Variants in MACROD1 observed in about 807,000 individuals in gnomAD.
MACROD1 encodes the protein mono-ADP ribosylhydrolase 1.
MACROD1 carries 31 observed loss-of-function variants against 41.4 expected under a neutral mutation model. The observed-to-expected ratio is 0.75, with a 90% CI of 0.56 to 1.01. MACROD1 has a LOEUF of 1.01. Among genes scored for constraint, MACROD1 ranks in the 50% least tolerant of loss-of-function variants. MACROD1 has a pLI of 0.00. For synonymous variants in MACROD1, 252 were observed against 203.4 expected, an observed-to-expected ratio of 1.24 and a Z score of -2.03; for missense variants, 473 against 460.0, an observed-to-expected ratio of 1.03 and a Z score of -0.26.
At chr11:64,165,095 C>A (rs1945817555) in intron 1 of MACROD1, among the ~76,000 whole-genome samples, 1 of 152,312 alleles carries the variant, frequency 6.6e-6, no homozygotes, top group Non-Finnish European at 1.5e-5. Context: ...GGGAAAAGGG[C>A]GCCAGACCAC....
intron 3 of MACROD1, among the ~76,000 whole-genome samples, chr11:64,037,427 G>C (rs1426940244): frequency 6.6e-6 from 1 of 152,220 alleles, no homozygotes; most frequent in African/African-American, 2.4e-5. Context: ...CGGGAGGAGA[G>C]GCGCAGACAT....
chr11:64,014,802 A>C (rs1943058832), intron 4 of MACROD1, among the ~76,000 whole-genome samples: 1 of 152,192 alleles, frequency 6.6e-6, no homozygotes, highest in South Asian at 2.1e-4. Flanking sequence ...GCAGACACAG[A>C]GACATCCCAG....
rs1039110429 is a variant in MACROD1 at position 64,036,502 on chromosome 11, G to A, written c.518-21221C>T. ...CCTCGCTGCACCCCCCAGGGAGGGG[G>A]CCTGGCCCGTGGGGGGCGTCAGGCC... is the stretch of plus-strand genomic sequence containing the variant. On this transcript the variant is annotated intron_variant, in intron 3 of 10. Transcript: ENST00000255681. The surrounding 1 kb of genome is among the most constrained non-coding windows in gnomAD (Gnocchi z 5.6). 1.3e-4 allele frequency among the ~76,000 whole-genome samples: 20 copies of A among 151,926 alleles called. No individual in the cohort carries two copies. The highest frequency in any genetic ancestry group is 4.6e-4 in the African/African-American group (19 of 41,366).
At position 64,096,902 on chromosome 11, in the gene MACROD1, C is replaced by G. The variant is rs979183995; in HGVS notation, c.517+54337G>C. On this transcript the variant is annotated intron_variant, in intron 3 of 10. Transcript: ENST00000255681. This position sits in a 1 kb window ranked among gnomAD's most constrained non-coding sequence, Gnocchi z 4.6. Reference sequence around the variant, plus strand: ...AGCTGAGAGCCGATGCCTGTCCCTCCGTGAGCTGGGTGCGAGTGGCCCTTG... The same window carrying G: ...AGCTGAGAGCCGATGCCTGTCCCTCGGTGAGCTGGGTGCGAGTGGCCCTTG... Among the ~76,000 whole-genome samples, 1 of 152,236 alleles carries G rather than the reference C, an allele frequency of 6.6e-6. No homozygotes were observed. The highest frequency in any genetic ancestry group is 2.4e-5 in the African/African-American group (1 of 41,468).
At chr11:64,121,970 TAA>T (rs5792313) in intron 3 of MACROD1, among the ~76,000 whole-genome samples, 4 of 134,794 alleles carry the variant, frequency 3.0e-5, no homozygotes, top group Non-Finnish European at 1.7e-5. Context: ...AAATCTCCCC[TAA>T]AAAAAAAAAA....
At chr11:64,091,619 G>A (rs941600425) in intron 3 of MACROD1, among the ~76,000 whole-genome samples, 1 of 152,082 alleles carries the variant, frequency 6.6e-6, no homozygotes, top group Non-Finnish European at 1.5e-5. Context: ...GGACGTTGCC[G>A]CCACCATCCC....
chr11:64,135,360 T>G (rs951872897), intron 3 of MACROD1, among the ~76,000 whole-genome samples: 2 of 152,176 alleles, frequency 1.3e-5, no homozygotes. Context: ...CAACGGTCCC[T>G]AAAGAGCAAC....
At chr11:64,119,067 C>T (rs663149) in intron 3 of MACROD1, 90,626 of 167,230 alleles carry the variant, frequency 0.54, 28,272 homozygotes, top group Non-Finnish European at 0.68. Context: ...ATCCCTGTCG[C>T]GGTGTCTCTA....
At chr11:64,065,528 G>A (rs1041335897) in intron 3 of MACROD1, among the ~76,000 whole-genome samples, 25 of 152,278 alleles carry the variant, frequency 1.6e-4, no homozygotes, top group African/African-American at 4.8e-4. Flanking sequence ...GGTGGCTCAT[G>A]CCTGTAATCC....
intron 4 of MACROD1, among the ~76,000 whole-genome samples, chr11:64,011,884 G>A (rs1347381377): frequency 6.6e-6 from 1 of 152,032 alleles, no homozygotes; most frequent in Non-Finnish European, 1.5e-5. Flanking sequence ...ATTAGGACTG[G>A]ATGAACTCAA....
At chr11:64,072,089 C>T (rs746282068) in intron 3 of MACROD1, among the ~76,000 whole-genome samples, 3 of 152,250 alleles carry the variant, frequency 2.0e-5, no homozygotes, top group Non-Finnish European at 2.9e-5. Context: ...CGAATCGAAT[C>T]GACTGCTGAA....
At chr11:64,066,699 CAAGGTGGGAA>C (rs1944012633) in intron 3 of MACROD1, among the ~76,000 whole-genome samples, 2 of 151,996 alleles carry the variant, frequency 1.3e-5, no homozygotes, top group African/African-American at 4.8e-5. Flanking sequence ...TGTCTGCCTG[CAAGGTGGGAA>C]TACGATGAGA....
At chr11:64,051,365 C>A (rs559779498) in intron 3 of MACROD1, among the ~76,000 whole-genome samples, 2 of 152,124 alleles carry the variant, frequency 1.3e-5, no homozygotes, top group African/African-American at 4.8e-5. Context: ...CGTGTGGTCA[C>A]GAGCTAGAGA....
At chr11:64,045,784 A>G (rs1255254771) in intron 3 of MACROD1, among the ~76,000 whole-genome samples, 1 of 152,190 alleles carries the variant, frequency 6.6e-6, no homozygotes, top group Admixed American at 6.5e-5. Context: ...GGAATTCAGA[A>G]CTAACAATAA....
At chr11:64,028,480 G>A (rs947738807) in intron 3 of MACROD1, among the ~76,000 whole-genome samples, 6 of 152,252 alleles carry the variant, frequency 3.9e-5, no homozygotes, top group Non-Finnish European at 8.8e-5. Flanking sequence ...GAGGCAGGAG[G>A]CGGAAGGAAG....
intron 3 of MACROD1, among the ~76,000 whole-genome samples, chr11:64,025,578 G>A (rs1590810605): frequency 6.6e-6 from 1 of 152,146 alleles, no homozygotes; most frequent in South Asian, 2.1e-4. Flanking sequence ...TTTACTATGC[G>A]TGCCCCTCAA....
At chr11:64,069,779 G>A (rs1030968864) in intron 3 of MACROD1, among the ~76,000 whole-genome samples, 1 of 152,212 alleles carries the variant, frequency 6.6e-6, no homozygotes, top group Non-Finnish European at 1.5e-5. Context: ...ACCTCCGCAC[G>A]CTGCCGGCCA....
At chr11:64,066,751 C>T (rs1305189495) in intron 3 of MACROD1, among the ~76,000 whole-genome samples, 2 of 152,204 alleles carry the variant, frequency 1.3e-5, no homozygotes, top group Non-Finnish European at 2.9e-5. Context: ...TTCCTACCTT[C>T]CAGGCCCTTC....
At chr11:64,148,678 A>T (rs549791482) in intron 3 of MACROD1, 1 of 935,850 alleles carries the variant, frequency 1.1e-6, no homozygotes, top group Non-Finnish European at 1.3e-6. Context: ...GAAACTTTAC[A>T]TATGAATTAA....
Sources: gnomAD v4.1 joint callset for allele counts (sites outside exome capture counted in the v4.1 genomes callset) on GRCh38, gnomAD v4.1.1 for gene constraint, Gnocchi (gnomAD v3.1) non-coding constraint, MANE v1.5 for transcripts, NCBI Gene and HGNC (gene_info 2026-07-23, HGNC 2026-07-21) for gene names.